Variants in KLRF1 observed in about 807,000 individuals in gnomAD.
KLRF1 encodes killer cell lectin like receptor F1, also known as killer cell lectin-like receptor subfamily F member 1.
KLRF1 carries 27 observed loss-of-function variants against 30.7 expected under a neutral mutation model. The observed-to-expected ratio is 0.88, with a 90% CI of 0.65 to 1.21. KLRF1 has a LOEUF of 1.21. KLRF1 is among the 50% of genes most tolerant of loss of function. The probability of loss-of-function intolerance (pLI) is 0.00; values close to 1 mark genes in which losing one functional copy is unlikely to be tolerated. For synonymous variants in KLRF1, 92 were observed against 89.3 expected (o/e 1.03, Z -0.17); for missense variants, 246 against 259.3 (o/e 0.95, Z 0.35).
the KLRF1 span, among the ~76,000 whole-genome samples, chr12:9,822,437 G>T: frequency 6.6e-6 from 1 of 152,036 alleles, no homozygotes; most frequent in Admixed American, 6.6e-5. Context: ...TCTAAAATAA[G>T]ACAGTCAGAC....
At chr12:9,819,929 G>A in the KLRF1 span, among the ~76,000 whole-genome samples, 1 of 152,258 alleles carries the variant, frequency 6.6e-6, no homozygotes, top group Admixed American at 6.5e-5. Context: ...AGCTCCCAGA[G>A]GGAAAGGCAG....
chr12:9,835,560 G>A (rs1351181873), intron 3 of KLRF1, among the ~76,000 whole-genome samples: 1 of 152,070 alleles, frequency 6.6e-6, no homozygotes, highest in African/African-American at 2.4e-5. Context: ...GTGAAATACA[G>A]GGTAAGTGTC....
chr12:9,822,311 T>C, the KLRF1 span, among the ~76,000 whole-genome samples: 11 of 152,126 alleles, frequency 7.2e-5, no homozygotes, highest in Non-Finnish European at 1.6e-4. Flanking sequence ...ATAACCACTA[T>C]AGAAAAGAAC....
the KLRF1 span, among the ~76,000 whole-genome samples, chr12:9,821,080 C>G: frequency 3.9e-5 from 6 of 152,100 alleles, no homozygotes; most frequent in Non-Finnish European, 8.8e-5. Context: ...CCCTGCTACC[C>G]TCAGTCTGGG....
At chr12:9,835,943 T>A (rs759842785) in intron 3 of KLRF1, among the ~76,000 whole-genome samples, 1 of 151,974 alleles carries the variant, frequency 6.6e-6, no homozygotes, top group Admixed American at 6.6e-5. Context: ...AGTAAATGAG[T>A]TCTTCAGGAG....
chr12:9,839,962 A>G (rs935819341), intron 3 of KLRF1, among the ~76,000 whole-genome samples: 2 of 152,152 alleles, frequency 1.3e-5, no homozygotes, highest in African/African-American at 4.8e-5. Context: ...CCATCAGCTG[A>G]TGAAGAGATA....
chr12:9,807,033 C>T, the KLRF1 span, among the ~76,000 whole-genome samples: 4 of 151,844 alleles, frequency 2.6e-5, no homozygotes, highest in Non-Finnish European at 5.9e-5. Flanking sequence ...AATGTAATAC[C>T]TCCTAGTTTA....
chr12:9,817,682 C>A, the KLRF1 span: 1 of 250,226 alleles, frequency 4.0e-6, no homozygotes. Context: ...TCCTCTTCCT[C>A]AGTGGCTCCA....
the KLRF1 span, among the ~76,000 whole-genome samples, chr12:9,812,447 C>T: frequency 4.6e-5 from 7 of 151,158 alleles, no homozygotes; most frequent in Non-Finnish European, 8.8e-5. Flanking sequence ...TATGGCAGGA[C>T]AGCAAGGCTG....
At position 9,844,488 on chromosome 12, in the gene KLRF1, A is replaced by T. The variant is rs762392630; in HGVS notation, c.658A>T (p.Thr220Ser). Reference protein sequence around the residue: ...AIKESKIFSETCSSVFKWICQ... With the variant: ...AIKESKIFSESCSSVFKWICQ... ...TAAGGAAAGCAAAATTTTCTCTGAA[A>T]CCTGCAGCAGTGTTTTCAAATGGAT... The change falls in exon 6 of 6, where the codon ACC (threonine) becomes TCC (serine). Residue 220 changes from threonine to serine, a missense_variant. Physicochemically the swap from Thr to Ser is moderately conservative, Grantham distance 58. Transcript: ENST00000617889. 6 of 1,609,332 alleles carry T rather than the reference A, an allele frequency of 3.7e-6. No individual in the cohort carries two copies. In the Admixed American group the frequency reaches 6.7e-5, roughly 18 times the overall value.
the KLRF1 span, among the ~76,000 whole-genome samples, chr12:9,819,956 C>T: frequency 3.8e-3 from 570 of 151,496 alleles, 5 homozygotes; most frequent in African/African-American, 0.013. Flanking sequence ...ATTTGTGCTG[C>T]TTCACAGCCT....
At chr12:9,809,426 C>T in the KLRF1 span, among the ~76,000 whole-genome samples, 1 of 152,066 alleles carries the variant, frequency 6.6e-6, no homozygotes. Context: ...TAAATGCCTA[C>T]TTTTAAGAGT....
the KLRF1 span, among the ~76,000 whole-genome samples, chr12:9,805,366 G>A: frequency 6.6e-6 from 1 of 151,850 alleles, no homozygotes; most frequent in African/African-American, 2.4e-5. Flanking sequence ...AAGGGCAAGA[G>A]GGATGGAAGG....
At chr12:9,819,444 G>T in the KLRF1 span, among the ~76,000 whole-genome samples, 1 of 152,132 alleles carries the variant, frequency 6.6e-6, no homozygotes, top group South Asian at 2.1e-4. Flanking sequence ...TTGCTGTTTT[G>T]CAGCCTTAGC....
rs534454928 is a variant in KLRF1, at chr12:9,832,014, G to A, written c.86-302G>A. ...CATGTTCATGAGTGCGTGTGTCTCCGCAATGGTTGGAAAATTATTCAGTGC... is the reference window on the plus strand; with the variant it reads ...CATGTTCATGAGTGCGTGTGTCTCCACAATGGTTGGAAAATTATTCAGTGC... On this transcript the variant is annotated intron_variant, in intron 1 of 5. Transcript: ENST00000617889. 1.8e-4 allele frequency among the ~76,000 whole-genome samples: 28 copies of A among 152,216 alleles called. 1 individual carries two copies. The highest frequency in any genetic ancestry group is 6.5e-4 in the African/African-American group (27 of 41,558).
chr12:9,817,756 T>G, the KLRF1 span: 1 of 207,902 alleles, frequency 4.8e-6, no homozygotes, highest in Non-Finnish European at 1.1e-5. Flanking sequence ...GGTCTTTGCC[T>G]TCCTTTTCCT....
At chr12:9,817,284 G>A in the KLRF1 span, 2 of 189,890 alleles carry the variant, frequency 1.1e-5, no homozygotes, top group South Asian at 1.0e-4. Flanking sequence ...ACCAGTAAAG[G>A]ATTTAGCTCA....
At chr12:9,809,421 G>T in the KLRF1 span, among the ~76,000 whole-genome samples, 1 of 152,160 alleles carries the variant, frequency 6.6e-6, no homozygotes, top group East Asian at 1.9e-4. Flanking sequence ...ATATGTAAAT[G>T]CCTACTTTTA....
chr12:9,842,761 G>A (rs1473268815), intron 5 of KLRF1, among the ~76,000 whole-genome samples: 1 of 151,948 alleles, frequency 6.6e-6, no homozygotes, highest in Non-Finnish European at 1.5e-5. Flanking sequence ...CATTTTTTGT[G>A]TTATGTGATT....
Sources: allele counts gnomAD v4.1 joint callset (sites outside exome capture counted in the v4.1 genomes callset), GRCh38; gene constraint gnomAD v4.1.1; transcripts MANE v1.5; gene names NCBI Gene and HGNC (gene_info 2026-07-23, HGNC 2026-07-21).